Variants in PCDH15 observed in about 807,000 individuals in gnomAD.
The protein encoded by PCDH15 is protocadherin-15.
Under a neutral mutation model 178.5 loss-of-function variants are expected in PCDH15, and 129 were observed. The ratio of observed to expected loss-of-function variants is 0.72; its 90% CI spans 0.63 to 0.84. The LOEUF (loss-of-function observed/expected upper bound fraction) is 0.84. Among genes scored for constraint, PCDH15 ranks in the 40% least tolerant of loss-of-function variants. The probability of loss-of-function intolerance (pLI) is 0.00; values close to 1 mark genes in which losing one functional copy is unlikely to be tolerated. For synonymous variants in PCDH15, 800 were observed against 732.0 expected, an observed-to-expected ratio of 1.09 and a Z score of -1.50; for missense variants, 2,230 against 2,099.9, an observed-to-expected ratio of 1.06 and a Z score of -1.21.
chr10:54,195,807 T>C lies in PCDH15; in HGVS notation c.1181A>G (p.Tyr394Cys), dbSNP rs148533341. 3.9e-4 allele frequency: 622 copies of C among 1,614,006 alleles called. 2 individuals carry two copies. In the African/African-American group the frequency reaches 7.5e-3, roughly 19 times the overall value. ...EILDENNQSPYFTMPSYQGYI... is the reference protein window; with the variant it reads ...EILDENNQSPCFTMPSYQGYI... ...GCCTTGATAACTGGGCATTGTAAAA[T>C]ATGGACTTTGATTGTTTTCATCCAG... The change falls in exon 11 of 38, where the codon TAT becomes TGT. Residue 394 changes from tyrosine to cysteine, a missense_variant. Physicochemically the swap from Tyr to Cys is radical, Grantham distance 194. Coordinates refer to ENST00000644397, the MANE Select transcript of PCDH15 (RefSeq NM_001384140.1).
At chr10:55,157,161 C>T (rs1838912534) in intron 2 of PCDH15, among the ~76,000 whole-genome samples, 1 of 152,000 alleles carries the variant, frequency 6.6e-6, no homozygotes, top group South Asian at 2.1e-4. Context: ...TCATTAAAAA[C>T]ATATTAAGAA....
chr10:54,876,535 T>C (rs11594288), intron 3 of PCDH15, among the ~76,000 whole-genome samples: 10,219 of 152,174 alleles, frequency 0.067, 439 homozygotes, highest in South Asian at 0.1. Context: ...TCATGATTTA[T>C]GGGAAGAGGT....
intron 2 of PCDH15, among the ~76,000 whole-genome samples, chr10:54,637,861 T>C (rs145885635): frequency 6.6e-6 from 1 of 152,208 alleles, no homozygotes; most frequent in East Asian, 1.9e-4. Flanking sequence ...TTTCAGAACA[T>C]GTCTGAATCT....
chr10:54,230,778 T>C (rs2053972871), intron 9 of PCDH15, among the ~76,000 whole-genome samples: 1 of 152,118 alleles, frequency 6.6e-6, no homozygotes, highest in Admixed American at 6.6e-5. Flanking sequence ...TTAGAAAAAA[T>C]ACTGTTAGCA....
intron 2 of PCDH15, among the ~76,000 whole-genome samples, chr10:55,498,443 A>T (rs1422950588): frequency 6.6e-6 from 1 of 151,870 alleles, no homozygotes; most frequent in Admixed American, 6.6e-5. Flanking sequence ...CAAATAAAAA[A>T]CTGTTCAAGT....
intron 14 of PCDH15, among the ~76,000 whole-genome samples, chr10:54,142,144 C>G (rs1186073189): frequency 6.6e-6 from 1 of 152,178 alleles, no homozygotes; most frequent in Non-Finnish European, 1.5e-5. Flanking sequence ...AATGAGTAAC[C>G]TAACTACTTT....
chr10:55,058,530 C>G (rs528842989), intron 2 of PCDH15, among the ~76,000 whole-genome samples: 1 of 152,160 alleles, frequency 6.6e-6, no homozygotes, highest in Non-Finnish European at 1.5e-5. Context: ...CTTTAAATTG[C>G]AAACATCCAC....
Position 54,153,133 on chromosome 10 carries a change from T to C in PCDH15, c.1751A>G (p.Gln584Arg). ...TGCAGGAGGAGCATTATCCGCTGCT[T>C]GGACCGTGAGTGCGTAAGTCCGCCC... ...IVGRTYALTV[Q>R]AADNAPPAER... The change falls in exon 14 of 38, where the codon CAA becomes CGA. Residue 584 changes from glutamine (Q) to arginine (R), a missense_variant. Gln to Arg is a conservative substitution (Grantham distance 43). Transcript: ENST00000644397. The C allele has an allele frequency of 6.8e-6, 11 of 1,613,900 alleles. No homozygotes were observed. The highest frequency in any genetic ancestry group is 7.6e-6 in the Non-Finnish European group (9 of 1,179,862).
At chr10:54,149,044 A>T (rs899794647) in intron 14 of PCDH15, among the ~76,000 whole-genome samples, 1 of 147,460 alleles carries the variant, frequency 6.8e-6, no homozygotes, top group African/African-American at 2.7e-5. Context: ...AGTAACACTG[A>T]CTAATAATTA....
chr10:54,664,255 C>T lies in PCDH15; in HGVS notation c.8G>A (p.Arg3Gln), dbSNP rs372085398. 561 of 1,610,586 alleles carry T rather than the reference C, an allele frequency of 3.5e-4. No homozygotes were observed. Among genetic ancestry groups the T allele is most frequent in the Non-Finnish European group, 4.3e-4 (503 of 1,177,882 alleles). Reference protein sequence around the residue: MFRQFYLWTCLAS... With the variant: MFQQFYLWTCLAS... ...TAAACATGTCCAGAGATAAAACTGT[C>T]GAAACATCTTCTGTCAAAGTTCACT... The change falls in exon 2 of 38, where the codon CGA (arginine) becomes CAA (glutamine). Residue 3 changes from arginine (R) to glutamine (Q), a missense_variant. By Grantham distance (43) the Arg-to-Gln change is conservative. Coordinates refer to ENST00000644397, the MANE Select transcript of PCDH15 (RefSeq NM_001384140.1).
At chr10:55,538,085 C>T (rs1284432868) in intron 2 of PCDH15, among the ~76,000 whole-genome samples, 3 of 152,112 alleles carry the variant, frequency 2.0e-5, no homozygotes, top group African/African-American at 4.8e-5. Context: ...ATCAGATAAT[C>T]GTTTGCTCTA....
At chr10:53,957,179 G>A (rs960130942) in intron 23 of PCDH15, among the ~76,000 whole-genome samples, 2 of 152,172 alleles carry the variant, frequency 1.3e-5, no homozygotes, top group East Asian at 1.9e-4. Context: ...TTCTCTTGGA[G>A]TTTCCAAAGA....
At position 54,657,516 on chromosome 10, in the gene PCDH15, C is replaced by A. The variant is rs79181209; in HGVS notation, c.91+6656G>T. ...AAGCTTCCTGAGACCTCTGTACTCT[C>A]AGCCTCGCAGGAGATAGTGTCAGCT... On this transcript the variant is annotated intron_variant, in intron 2 of 37. Transcript: ENST00000644397. Among the ~76,000 whole-genome samples, 648 of 152,272 alleles carry A rather than the reference C, an allele frequency of 4.3e-3. 6 individuals carry two copies. The highest frequency in any genetic ancestry group is 0.013 in the African/African-American group (560 of 41,548).
At chr10:55,125,606 T>C (rs1837878314) in intron 2 of PCDH15, among the ~76,000 whole-genome samples, 1 of 152,060 alleles carries the variant, frequency 6.6e-6, no homozygotes, top group South Asian at 2.1e-4. Flanking sequence ...TAGTCTTGTC[T>C]ATTGGATGAA....
At chr10:54,600,459 G>T (rs1202408038) in intron 2 of PCDH15, 3 of 578,798 alleles carry the variant, frequency 5.2e-6, no homozygotes, top group Non-Finnish European at 6.9e-6. Context: ...CAGATGAAAA[G>T]AAGGGGGATG....
At chr10:53,907,073 GTTCTTT>G (rs2082732153) in intron 25 of PCDH15, 1 of 152,010 alleles carries the variant, frequency 6.6e-6, no homozygotes, top group Non-Finnish European at 1.5e-5. Flanking sequence ...CTAGAACAGC[GTTCTTT>G]TTGACTTTTT....
At chr10:54,579,934 A>G (rs1334115191) in intron 2 of PCDH15, among the ~76,000 whole-genome samples, 1 of 152,084 alleles carries the variant, frequency 6.6e-6, no homozygotes, top group Non-Finnish European at 1.5e-5. Context: ...AAATGAAGAC[A>G]CACAACATTT....
At chr10:55,176,527 A>G (rs1839492126) in intron 1 of PCDH15, among the ~76,000 whole-genome samples, 1 of 152,194 alleles carries the variant, frequency 6.6e-6, no homozygotes, top group Non-Finnish European at 1.5e-5. Flanking sequence ...CCCAAAAACC[A>G]GAAGCCAGGA....
chr10:53,901,400 G>A (rs188827507), intron 26 of PCDH15, among the ~76,000 whole-genome samples: 31 of 151,988 alleles, frequency 2.0e-4, no homozygotes, highest in Middle Eastern at 3.4e-3. Flanking sequence ...ATGATTCATC[G>A]GCAAATCCTA....
Sources: gnomAD v4.1 joint callset for allele counts (sites outside exome capture counted in the v4.1 genomes callset) on GRCh38, gnomAD v4.1.1 for gene constraint, MANE v1.5 for transcripts, NCBI Gene and HGNC (gene_info 2026-07-23, HGNC 2026-07-21) for gene names.